JADE2: variants seen among roughly 807,000 people sequenced by gnomAD.
JADE2 encodes jade family PHD finger 2.
JADE2 carries 13 observed loss-of-function variants against 85.7 expected under a neutral mutation model. That is an observed-to-expected ratio of 0.15 (90% CI 0.10 to 0.24). The LOEUF (loss-of-function observed/expected upper bound fraction) is 0.24. Ranked by LOEUF, JADE2 falls within the 10% of genes least tolerant of loss-of-function variation. JADE2 has a pLI of 1.00. For synonymous variants in JADE2, 440 were observed against 456.1 expected (o/e 0.96, Z 0.45); for missense variants, 846 against 1,115.9 (o/e 0.76, Z 3.45).
chr5:134,525,682 A>T lies in JADE2; in HGVS notation c.-330A>T. On this transcript the variant is annotated 5_prime_UTR_variant, in exon 1 of 12. Coordinates refer to ENST00000681547, the MANE Select transcript of JADE2 (RefSeq NM_001388185.1). The stretch of plus-strand genomic sequence containing the variant: ...TTTAAAAAGAAACAGAAACATACAC[A>T]GGGGGTTGGTGAATGGTGCCGACCG... 2.4e-6 allele frequency: 3 copies of T among 1,250,990 alleles called. No individual in the cohort carries two copies. The highest frequency in any genetic ancestry group is 3.1e-6 in the Non-Finnish European group (3 of 972,770). 77.5% of individuals were successfully genotyped at this position (1,250,990 alleles called of 1,614,324 possible).
chr5:134,539,210 C>T (rs1180591521), intron 3 of JADE2, among the ~76,000 whole-genome samples: 4 of 152,062 alleles, frequency 2.6e-5, no homozygotes, highest in East Asian at 1.9e-4. Flanking sequence ...TACAGGCGCC[C>T]GCCACCACAC....
upstream of JADE2, among the ~76,000 whole-genome samples, chr5:134,525,389 G>A (rs1388968332): frequency 1.3e-5 from 2 of 151,944 alleles, no homozygotes; most frequent in African/African-American, 2.4e-5. Context: ...TGGGGAGTCC[G>A]GGCCCAGGGT....
In JADE2 at chr5:134,582,271, T is replaced by TTAG. The variant is rs1764747386; in HGVS notation, c.*2956_*2958dup. 6.6e-6 allele frequency: 1 copy of TTAG among 152,232 alleles called. No individual in the cohort carries two copies. The highest frequency in any genetic ancestry group is 6.5e-5 in the Admixed American group (1 of 15,284). The allele number at this position is 152,232 out of a possible 1,614,324, so 9.4% of individuals were successfully genotyped here. ...GTTTATTTTATTAAATGAGCCTGAC[T>TTAG]TAGTGACAGTGTGTGAGCATTTGCA... On this transcript the variant is annotated 3_prime_UTR_variant, in exon 12 of 12. Transcript: ENST00000681547.
chr5:134,526,146 G>T, intron 1 of JADE2, 135 bp downstream of exon 1: 3 of 985,514 alleles, frequency 3.0e-6, no homozygotes, highest in Non-Finnish European at 3.6e-6. Flanking sequence ...CCTGCTGGCT[G>T]CCTGTTCTAG....
At position 134,582,995 on chromosome 5, in the gene JADE2, C is replaced by T. The variant is rs1488343465; in HGVS notation, c.*3678C>T. The T allele has an allele frequency of 6.6e-6, 1 of 152,564 alleles. No individual in the cohort carries two copies. Among genetic ancestry groups the T allele is most frequent in the African/African-American group, 2.4e-5 (1 of 41,424 alleles). The allele number at this position is 152,564 out of a possible 1,614,324, so 9.5% of individuals were successfully genotyped here. On this transcript the variant is annotated 3_prime_UTR_variant, in exon 12 of 12. Transcript: ENST00000681547. ...CTATTTCTCCTTTTTGTACATTGTC[C>T]ATGTGCGCAACCCTTAACGAGCAAT...
chr5:134,554,037 C>T (rs1366188205), intron 4 of JADE2, among the ~76,000 whole-genome samples: 1 of 152,180 alleles, frequency 6.6e-6, no homozygotes, highest in Non-Finnish European at 1.5e-5. Flanking sequence ...GCTGTCTACT[C>T]CTGGCCTTGG....
chr5:134,572,076 T>C (rs1488850738), intron 9 of JADE2, among the ~76,000 whole-genome samples: 1 of 152,266 alleles, frequency 6.6e-6, no homozygotes, highest in Non-Finnish European at 1.5e-5. Flanking sequence ...TCCACAGAGC[T>C]GTAGCCAGTG....
chr5:134,529,426 G>T (rs1290127468), intron 1 of JADE2, among the ~76,000 whole-genome samples: 5 of 152,194 alleles, frequency 3.3e-5, no homozygotes, highest in African/African-American at 9.7e-5. Context: ...ACACCTTCTG[G>T]AGTCAGACAG....
At chr5:134,534,759 C>T (rs571862946) in intron 1 of JADE2, among the ~76,000 whole-genome samples, 1 of 152,286 alleles carries the variant, frequency 6.6e-6, no homozygotes, top group South Asian at 2.1e-4. Context: ...TCAGGGAACA[C>T]AGGGGAGCGT....
chr5:134,561,217 G>C (rs1198533621), intron 6 of JADE2, among the ~76,000 whole-genome samples: 1 of 152,172 alleles, frequency 6.6e-6, no homozygotes, highest in Admixed American at 6.5e-5. Flanking sequence ...CTTGTGCCCT[G>C]TCCCTGCCCC....
intron 3 of JADE2, among the ~76,000 whole-genome samples, chr5:134,551,829 G>T (rs1193957058): frequency 2.0e-5 from 3 of 152,222 alleles, no homozygotes; most frequent in African/African-American, 7.2e-5. Flanking sequence ...AGAGCAGTGT[G>T]AATTCAGTTA....
In JADE2 at chr5:134,539,619, G is replaced by C. The variant is rs74644229; in HGVS notation, c.153+1536G>C. 8.0e-3 allele frequency among the ~76,000 whole-genome samples: 1,224 copies of C among 152,370 alleles called. 57 individuals carry two copies. Among genetic ancestry groups the C allele is most frequent in the Admixed American group, 0.057 (866 of 15,310 alleles). On this transcript the variant is annotated intron_variant, in intron 3 of 11. Coordinates refer to ENST00000681547, the MANE Select transcript of JADE2 (RefSeq NM_001388185.1). The stretch of plus-strand genomic sequence containing the variant: ...ATTTCTCAGTCCTGTTGAAAATAAG[G>C]AAAGTGAGGATCGCAAGGTCATTTA...
intron 3 of JADE2, among the ~76,000 whole-genome samples, chr5:134,543,798 G>A (rs184012838): frequency 1.2e-4 from 18 of 152,226 alleles, no homozygotes; most frequent in African/African-American, 4.3e-4. Context: ...TATTTTTGAG[G>A]GGGTGGGGAG....
In JADE2 at chr5:134,553,401, T is replaced by C. The variant is rs562728826; in HGVS notation, c.311+1192T>C. 1.9e-4 allele frequency among the ~76,000 whole-genome samples: 28 copies of C among 150,324 alleles called. 2 individuals carry two copies. The highest frequency in any genetic ancestry group is 9.4e-4 in the Admixed American group (14 of 14,960). On this transcript the variant is annotated intron_variant, in intron 4 of 11. Transcript: ENST00000681547. ...ACGGAGTCTCGCTCTTTCGCCAGGC[T>C]GGAGTAGAGTGGTGCGATCTTGGCT...
Position 134,578,851 on chromosome 5 carries a change from G to T in JADE2, c.2039G>T (p.Gly680Val), listed in dbSNP as rs1581494780. The T allele has an allele frequency of 6.2e-7, 1 of 1,613,790 alleles. No homozygotes were observed. ...KKTWGQDAGS[G>V]KGGQGPPTRK... ...ACCTGGGGCCAGGATGCAGGCAGTGGCAAGGGGGGTCAAGGGCCACCTACC... is the reference window on the plus strand; with the variant it reads ...ACCTGGGGCCAGGATGCAGGCAGTGTCAAGGGGGGTCAAGGGCCACCTACC... The change falls in exon 12 of 12, where the codon GGC becomes GTC. Residue 680 changes from glycine (G) to valine (V), a missense_variant. This residue lies in a region of JADE2 where 300 missense variants were observed against 300.7 expected (regional missense o/e 1.00). Transcript: ENST00000681547. The surrounding 1 kb of genome is among the most constrained non-coding windows in gnomAD (Gnocchi z 4.4).
intron 9 of JADE2, among the ~76,000 whole-genome samples, chr5:134,571,126 T>C (rs945039731): frequency 2.6e-5 from 4 of 152,236 alleles, no homozygotes; most frequent in Non-Finnish European, 4.4e-5. Flanking sequence ...TGCTGTTCCT[T>C]GGCCTGCGGA....
intron 3 of JADE2, among the ~76,000 whole-genome samples, chr5:134,540,995 C>T (rs532889235): frequency 6.6e-6 from 1 of 152,338 alleles, no homozygotes; most frequent in Admixed American, 6.5e-5. Context: ...TACCTTTCCA[C>T]ACCTAAAAAT....
chr5:134,560,722 C>G (rs1763268981), intron 5 of JADE2, 24 bp from the exon 6 acceptor site: 5 of 1,603,218 alleles, frequency 3.1e-6, no homozygotes, highest in Non-Finnish European at 4.3e-6. Flanking sequence ...CTAACACCAC[C>G]ATGCCCTGCT....
At chr5:134,554,551 G>T (rs35247282) in intron 4 of JADE2, among the ~76,000 whole-genome samples, 3,055 of 152,286 alleles carry the variant, frequency 0.02, 41 homozygotes, top group Middle Eastern at 0.054. Context: ...TGCCTGTAGG[G>T]TGCTTTATCT....
Sources: allele counts gnomAD v4.1 joint callset (sites outside exome capture counted in the v4.1 genomes callset), GRCh38; gene constraint gnomAD v4.1.1; regional missense constraint gnomAD v4.1.1; non-coding constraint Gnocchi (gnomAD v3.1); transcripts MANE v1.5; gene names NCBI Gene and HGNC (gene_info 2026-07-23, HGNC 2026-07-21).